The following DNAI1 variants were observed in gnomAD, a reference collection of about 807,000 sequenced individuals.
DNAI1 encodes the protein dynein, axonemal, intermediate polypeptide 1.
A neutral mutation model predicts 92.0 loss-of-function variants in DNAI1; 67 were observed. The observed-to-expected ratio is 0.73, with a 90% CI of 0.60 to 0.89. The LOEUF (loss-of-function observed/expected upper bound fraction) is 0.89. DNAI1 is among the 40% of genes least tolerant of loss of function. The pLI is 0.00. For synonymous variants in DNAI1, 323 were observed against 319.6 expected (o/e 1.01, Z -0.11); for missense variants, 839 against 866.6 (o/e 0.97, Z 0.40).
At chr9:34,497,478 G>A (rs1824750106) in intron 10 of DNAI1, among the ~76,000 whole-genome samples, 1 of 152,202 alleles carries the variant, frequency 6.6e-6, no homozygotes, top group Admixed American at 6.5e-5. Context: ...ATAACCCTGG[G>A]AGGCAGGCAG....
chr9:34,512,433 C>T lies in DNAI1; in HGVS notation c.1489+9C>T, dbSNP rs1017956414. ...GCAGCTGCACCCAGTGGGTAGGAGC[C>T]CCAGCCCTCTCACCTCCAGGCCTGG... is the stretch of plus-strand genomic sequence containing the variant. On this transcript the variant is annotated intron_variant, in intron 15 of 19. Transcript: ENST00000242317. The T allele has an allele frequency of 6.2e-7, 1 of 1,613,822 alleles. No individual in the cohort carries two copies. The highest frequency in any genetic ancestry group is 2.2e-5 in the East Asian group (1 of 44,868).
chr9:34,517,529 CA>C, intron 19 of DNAI1, 62 bp downstream of exon 19: 1 of 1,603,246 alleles, frequency 6.2e-7, no homozygotes, highest in Non-Finnish European at 8.5e-7. Context: ...GTGGGGATGA[CA>C]GAAGGGAGAA....
chr9:34,472,072 GC>G (rs1824147107), intron 1 of DNAI1, among the ~76,000 whole-genome samples: 1 of 152,160 alleles, frequency 6.6e-6, no homozygotes, highest in African/African-American at 2.4e-5. Flanking sequence ...TTCATTCTAA[GC>G]CCTCAGAATG....
At chr9:34,504,561 A>G (rs371985514) in intron 12 of DNAI1, among the ~76,000 whole-genome samples, 65 of 152,350 alleles carry the variant, frequency 4.3e-4, no homozygotes, top group African/African-American at 1.3e-3. Context: ...CTGGTTAGTT[A>G]TTTAGGTTCT....
intron 1 of DNAI1, 136 bp downstream of exon 1, chr9:34,459,189 G>GTACT (rs1823890382): frequency 1.2e-6 from 1 of 834,132 alleles, no homozygotes; most frequent in Non-Finnish European, 2.0e-6. Context: ...CCTCTGGTAA[G>GTACT]TGCTCCCACT....
rs761829851 is a variant in DNAI1 at position 34,489,319 on chromosome 9, T to C, written c.262-4T>C. 1 of 1,613,814 alleles carries C rather than the reference T, an allele frequency of 6.2e-7. No individual in the cohort carries two copies. Among genetic ancestry groups the C allele is most frequent in the South Asian group, 1.1e-5 (1 of 91,080 alleles). On this transcript the variant is annotated splice_region_variant and splice_polypyrimidine_tract_variant and intron_variant, in intron 4 of 19. Transcript: ENST00000242317. ...CTGGTCTGACTCAGCCCCTCTCTTCTTAGGAAGGCACATATAAGCCTATTG... is the reference window on the plus strand; with the variant it reads ...CTGGTCTGACTCAGCCCCTCTCTTCCTAGGAAGGCACATATAAGCCTATTG...
In DNAI1 at chr9:34,500,611, C is replaced by G. The variant is rs530942449; in HGVS notation, c.902-111C>G. 28 of 743,274 alleles carry G rather than the reference C, an allele frequency of 3.8e-5. No individual in the cohort carries two copies. In the African/African-American group the frequency reaches 4.7e-4, roughly 12 times the overall value. The allele number at this position is 743,274 out of a possible 1,614,324, so 46.0% of individuals were successfully genotyped here. The stretch of plus-strand genomic sequence containing the variant: ...GATAGGTAGTAGTATTATTCCCACT[C>G]TAAAACAGAGGCTCATTGTTTTGCC... On this transcript the variant is annotated intron_variant, in intron 10 of 19. Coordinates refer to ENST00000242317, the MANE Select transcript of DNAI1 (RefSeq NM_012144.4).
chr9:34,477,418 T>C (rs1824260490), intron 1 of DNAI1, among the ~76,000 whole-genome samples: 1 of 152,166 alleles, frequency 6.6e-6, no homozygotes, highest in Non-Finnish European at 1.5e-5. Flanking sequence ...TAGTTCATAC[T>C]CCATATGGTG....
intron 16 of DNAI1, 40 bp from the exon 17 acceptor site, chr9:34,514,354 C>T (rs372997908): frequency 2.5e-5 from 41 of 1,609,490 alleles, no homozygotes; most frequent in Non-Finnish European, 3.5e-5. Flanking sequence ...TGGCTGCTGA[C>T]CTTTCTCTCA....
At chr9:34,480,619 G>T (rs1824333616) in intron 1 of DNAI1, among the ~76,000 whole-genome samples, 1 of 152,106 alleles carries the variant, frequency 6.6e-6, no homozygotes, top group African/African-American at 2.4e-5. Flanking sequence ...CCTAGACAAT[G>T]CATACTTGTC....
chr9:34,503,372 G>A (rs1028867157), intron 12 of DNAI1, among the ~76,000 whole-genome samples: 1 of 152,184 alleles, frequency 6.6e-6, no homozygotes, highest in African/African-American at 2.4e-5. Flanking sequence ...ACTATGAGGA[G>A]CAGCTGGTCT....
intron 12 of DNAI1, among the ~76,000 whole-genome samples, chr9:34,505,422 TA>T (rs1399611005): frequency 1.3e-5 from 2 of 152,226 alleles, no homozygotes; most frequent in Non-Finnish European, 2.9e-5. Flanking sequence ...TCTACCCAGA[TA>T]ATCCAGGATA....
At chr9:34,467,883 T>C (rs1439585101) in intron 1 of DNAI1, among the ~76,000 whole-genome samples, 1 of 152,176 alleles carries the variant, frequency 6.6e-6, no homozygotes, top group African/African-American at 2.4e-5. Flanking sequence ...GCTCTCTGCC[T>C]AAGGACAATT....
At chr9:34,485,300 C>T in intron 3 of DNAI1, 60 bp downstream of exon 3, 7 of 1,606,940 alleles carry the variant, frequency 4.4e-6, no homozygotes, top group Non-Finnish European at 6.0e-6. Context: ...GAGATGTGTT[C>T]TTCCATAGTA....
At position 34,489,217 on chromosome 9, in the gene DNAI1, T is replaced by A; in HGVS notation, c.262-106T>A. The A allele has an allele frequency of 5.7e-6, 8 of 1,404,426 alleles. No individual in the cohort carries two copies. In the South Asian group the frequency reaches 9.3e-5, roughly 16 times the overall value. The allele number at this position is 1,404,426 out of a possible 1,614,324, so 87.0% of individuals were successfully genotyped here. The stretch of plus-strand genomic sequence containing the variant: ...TGAGGATTTGGTGAGTTACATTTCC[T>A]TTAACAAAGATGGACTGTCTTTGAT... On this transcript the variant is annotated intron_variant, in intron 4 of 19. Coordinates refer to ENST00000242317, the MANE Select transcript of DNAI1 (RefSeq NM_012144.4).
intron 15 of DNAI1, among the ~76,000 whole-genome samples, chr9:34,512,844 T>A (rs1825093246): frequency 6.6e-6 from 1 of 152,156 alleles, no homozygotes; most frequent in Non-Finnish European, 1.5e-5. Context: ...TTTAACTCAA[T>A]CCCTGCCTTG....
intron 13 of DNAI1, among the ~76,000 whole-genome samples, chr9:34,507,874 T>C (rs933958707): frequency 2.0e-5 from 3 of 152,214 alleles, no homozygotes. Context: ...TGCAGAAGTC[T>C]GACACCAACC....
intron 1 of DNAI1, among the ~76,000 whole-genome samples, chr9:34,473,273 C>CTTATTATTA (rs5897573): frequency 0.044 from 6,492 of 146,024 alleles, 200 homozygotes; most frequent in African/African-American, 0.081. Context: ...CTAAATCAAG[C>CTTATTATTA]TTATTATTAT....
chr9:34,517,718 T>TG (rs1201620578), intron 19 of DNAI1, among the ~76,000 whole-genome samples: 1 of 152,160 alleles, frequency 6.6e-6, no homozygotes, highest in Non-Finnish European at 1.5e-5. Flanking sequence ...AATGAGCAGG[T>TG]GGATCTGAAG....
Sources: gnomAD v4.1 joint callset for allele counts (sites outside exome capture counted in the v4.1 genomes callset) on GRCh38, gnomAD v4.1.1 for gene constraint, MANE v1.5 for transcripts, NCBI Gene and HGNC (gene_info 2026-07-23, HGNC 2026-07-21) for gene names.